Variants in ZC3H4 observed in about 807,000 individuals in gnomAD.
ZC3H4 encodes the protein zinc finger CCCH domain-containing protein 4.
A neutral mutation model predicts 108.3 loss-of-function variants in ZC3H4; 13 were observed. The observed-to-expected ratio is 0.12, with a 90% CI of 0.08 to 0.19. The LOEUF (loss-of-function observed/expected upper bound fraction) is 0.19, where lower values mean the gene tolerates loss of function less well. ZC3H4 is among the 10% of genes least tolerant of loss of function. The pLI is 1.00. For missense variants in ZC3H4, 1,734 were observed against 1,838.8 expected, an observed-to-expected ratio of 0.94 and a Z score of 1.04; for synonymous variants, 917 against 749.6, an observed-to-expected ratio of 1.22 and a Z score of -3.65.
At chr19:47,086,957 T>C (rs78182951) in intron 5 of ZC3H4, among the ~76,000 whole-genome samples, 2,438 of 151,024 alleles carry the variant, frequency 0.016, 44 homozygotes, top group Non-Finnish European at 0.027. Context: ...AAAACACACA[T>C]TGGACTTCAA....
At chr19:47,075,685 C>T (rs2057407042) in intron 11 of ZC3H4, among the ~76,000 whole-genome samples, 1 of 152,136 alleles carries the variant, frequency 6.6e-6, no homozygotes, top group African/African-American at 2.4e-5. Context: ...ACCCTGCCTC[C>T]TCAGCACCCC....
At chr19:47,083,657 C>T (rs535741948) in intron 9 of ZC3H4, among the ~76,000 whole-genome samples, 2 of 152,050 alleles carry the variant, frequency 1.3e-5, no homozygotes, top group South Asian at 2.1e-4. Context: ...TGCAGTGAGC[C>T]GAGATCACGC....
At chr19:47,086,749 C>T (rs2122902633) in intron 5 of ZC3H4, among the ~76,000 whole-genome samples, 1 of 152,322 alleles carries the variant, frequency 6.6e-6, no homozygotes, top group Admixed American at 6.5e-5. Flanking sequence ...GCACCCCAGA[C>T]ACACAGCTAC....
At chr19:47,089,920 G>T in intron 5 of ZC3H4, 47 bp downstream of exon 5, 1 of 1,603,396 alleles carries the variant, frequency 6.2e-7, no homozygotes, top group Non-Finnish European at 8.5e-7. Context: ...GGGTTGGCCC[G>T]GGTGGCTCCG....
intron 2 of ZC3H4, among the ~76,000 whole-genome samples, chr19:47,110,443 G>A (rs1286564803): frequency 6.6e-6 from 1 of 152,082 alleles, no homozygotes; most frequent in Non-Finnish European, 1.5e-5. Context: ...TGAGAAAACT[G>A]TGTACGTCAA....
intron 13 of ZC3H4, 85 bp downstream of exon 13, chr19:47,071,693 A>G: frequency 7.0e-7 from 1 of 1,424,854 alleles, no homozygotes; most frequent in Non-Finnish European, 9.4e-7. Context: ...GACTTGGACG[A>G]AGGAAGAAAA....
At chr19:47,102,730 A>G (rs982780583) in intron 2 of ZC3H4, among the ~76,000 whole-genome samples, 1 of 151,914 alleles carries the variant, frequency 6.6e-6, no homozygotes, top group Admixed American at 6.6e-5. Flanking sequence ...ACATCTGGAT[A>G]GAGAATAAGG....
chr19:47,074,052 G>A (rs971883675), intron 11 of ZC3H4, among the ~76,000 whole-genome samples: 1 of 152,020 alleles, frequency 6.6e-6, no homozygotes, highest in Non-Finnish European at 1.5e-5. Flanking sequence ...CCACGATCCC[G>A]ACTCCTCCAC....
chr19:47,091,466 C>T (rs1010359482), intron 4 of ZC3H4, among the ~76,000 whole-genome samples: 3 of 150,998 alleles, frequency 2.0e-5, no homozygotes, highest in African/African-American at 7.3e-5. Flanking sequence ...CCCAGCTACT[C>T]GGGAGACTGA....
chr19:47,075,247 AG>A (rs1408634558), intron 11 of ZC3H4, among the ~76,000 whole-genome samples: 1 of 152,164 alleles, frequency 6.6e-6, no homozygotes, highest in East Asian at 1.9e-4. Context: ...CCAGCAGCAC[AG>A]GGGGACCCGT....
intron 9 of ZC3H4, among the ~76,000 whole-genome samples, chr19:47,083,799 G>A (rs1462108369): frequency 6.6e-6 from 1 of 152,192 alleles, no homozygotes; most frequent in Non-Finnish European, 1.5e-5. Context: ...TGTGCCCTGA[G>A]CACACATCTG....
intron 10 of ZC3H4, 78 bp from the exon 11 acceptor site, chr19:47,081,700 G>C: frequency 1.6e-6 from 2 of 1,249,836 alleles, no homozygotes; most frequent in East Asian, 2.3e-5. Context: ...GCAGAATCCA[G>C]CTCCCTTTGT....
chr19:47,079,638 T>C (rs1350366398), intron 11 of ZC3H4, among the ~76,000 whole-genome samples: 3 of 152,132 alleles, frequency 2.0e-5, no homozygotes, highest in Non-Finnish European at 4.4e-5. Context: ...TGGCTCACAC[T>C]TGTAATCCCA....
chr19:47,081,488 G>T (rs373445222), intron 11 of ZC3H4, 25 bp downstream of exon 11: 1 of 1,607,300 alleles, frequency 6.2e-7, no homozygotes. Flanking sequence ...CTGTAGCCGG[G>T]GGCCCCGTTA....
intron 2 of ZC3H4, among the ~76,000 whole-genome samples, chr19:47,106,660 T>C (rs1370128307): frequency 2.0e-5 from 3 of 152,074 alleles, no homozygotes; most frequent in Admixed American, 1.3e-4. Flanking sequence ...CCAGAAACTG[T>C]AGAAGGTAGG....
Position 47,086,444 on chromosome 19 carries a change from T to TCTGCCCCTGCCTCGG in ZC3H4, c.795_809dup (p.Ser265_Gly269dup), listed in dbSNP as rs1048412950. On this transcript the variant is annotated inframe_insertion, in exon 6 of 15. Coordinates refer to ENST00000253048, the MANE Select transcript of ZC3H4 (RefSeq NM_015168.2). ...CCGGGTGGTCTCCTCCCATAGAGCCTCTGCCCCTGCCTCGGCTGCCCCTGC... is the reference window on the plus strand; with the variant it reads ...CCGGGTGGTCTCCTCCCATAGAGCCTCTGCCCCTGCCTCGGCTGCCCCTGCCTCGGCTGCCCCTGC... 2.5e-6 allele frequency: 4 copies of TCTGCCCCTGCCTCGG among 1,612,974 alleles called. No individual in the cohort carries two copies. The highest frequency in any genetic ancestry group is 3.3e-5 in the Admixed American group (2 of 59,940).
Position 47,066,339 on chromosome 19 carries a change from G to A in ZC3H4, c.*17C>T, listed in dbSNP as rs373277578. 4.7e-4 allele frequency: 706 copies of A among 1,494,664 alleles called. 2 individuals carry two copies. The African/African-American group carries it at 8.3e-3, about 18-fold the overall frequency. 92.6% of individuals were successfully genotyped at this position (1,494,664 alleles called of 1,614,324 possible). A position where few individuals can be genotyped will look rare whatever the true frequency, so the allele number is the denominator to read the frequency against. On this transcript the variant is annotated 3_prime_UTR_variant, in exon 15 of 15. Coordinates refer to ENST00000253048, the MANE Select transcript of ZC3H4 (RefSeq NM_015168.2). The stretch of plus-strand genomic sequence containing the variant: ...CACCCTAGGAAGGGTGGCTGGAGCC[G>A]CAGCTCTGGCTGGACACTACTGGCA...
intron 2 of ZC3H4, among the ~76,000 whole-genome samples, chr19:47,097,127 C>A (rs1444404344): frequency 6.6e-6 from 1 of 152,176 alleles, no homozygotes; most frequent in Admixed American, 6.5e-5. Context: ...TAGAGAAGTG[C>A]AGCATTCAAA....
chr19:47,112,373 C>T, intron 2 of ZC3H4, 51 bp downstream of exon 2: 1 of 1,228,930 alleles, frequency 8.1e-7, no homozygotes, highest in South Asian at 4.1e-5. Context: ...CTTCCTCCTC[C>T]TCCTCTTCCT....
Sources: allele counts gnomAD v4.1 joint callset (sites outside exome capture counted in the v4.1 genomes callset), GRCh38; gene constraint gnomAD v4.1.1; transcripts MANE v1.5; gene names NCBI Gene and HGNC (gene_info 2026-07-23, HGNC 2026-07-21).